Variants in WHAMM observed in about 807,000 individuals in gnomAD.
WHAMM encodes WASP homolog associated with actin, golgi membranes and microtubules, also known as WASP homolog-associated protein with actin, membranes and microtubules.
In WHAMM, 67 loss-of-function variants were observed where a neutral mutation model predicts 76.5. The ratio of observed to expected loss-of-function variants is 0.88; its 90% CI spans 0.72 to 1.07. WHAMM has a LOEUF of 1.07. Ranked by LOEUF, WHAMM falls within the 50% of genes least tolerant of loss-of-function variation. The probability of loss-of-function intolerance (pLI) is 0.00; values close to 1 mark genes in which losing one functional copy is unlikely to be tolerated. For synonymous variants in WHAMM, 419 were observed against 422.1 expected, an observed-to-expected ratio of 0.99 and a Z score of 0.09; for missense variants, 1,021 against 1,051.1, an observed-to-expected ratio of 0.97 and a Z score of 0.40.
rs141840687 is a variant in WHAMM, at chr15:82,826,100, A to T, written c.1459-310A>T. On this transcript the variant is annotated intron_variant, in intron 6 of 9. Coordinates refer to ENST00000286760, the MANE Select transcript of WHAMM (RefSeq NM_001080435.3). ...AATAATGTTATGGGGAAATGTGTTT[A>T]AACAGTCACATTAAAACATTGTTGG... Among the ~76,000 whole-genome samples the T allele has an allele frequency of 1.1e-4, 16 of 152,336 alleles. No individual in the cohort carries two copies. The East Asian group carries it at 2.3e-3, about 22-fold the overall frequency.
chr15:82,813,003 A>G, intron 1 of WHAMM, 100 bp from the exon 2 acceptor site: 1 of 921,766 alleles, frequency 1.1e-6, no homozygotes, highest in Non-Finnish European at 1.5e-6. Context: ...TGATGTATTA[A>G]AAGTTGAGAA....
chr15:82,832,720 T>G (rs1485736481), intron 9 of WHAMM, among the ~76,000 whole-genome samples: 1 of 152,250 alleles, frequency 6.6e-6, no homozygotes, highest in Non-Finnish European at 1.5e-5. Flanking sequence ...AGAAACCTAC[T>G]CACTTCATTG....
At chr15:82,812,882 A>G (rs185340627) in intron 1 of WHAMM, among the ~76,000 whole-genome samples, 1 of 152,312 alleles carries the variant, frequency 6.6e-6, no homozygotes, top group East Asian at 1.9e-4. Context: ...GAATGACTAC[A>G]GTAATAATAT....
chr15:82,811,203 C>T (rs1435373983), intron 1 of WHAMM, among the ~76,000 whole-genome samples: 1 of 152,066 alleles, frequency 6.6e-6, no homozygotes, highest in Admixed American at 6.5e-5. Flanking sequence ...CATTTTTGTA[C>T]TGTGGGTTTT....
At chr15:82,812,316 C>G (rs2050641627) in intron 1 of WHAMM, among the ~76,000 whole-genome samples, 1 of 152,176 alleles carries the variant, frequency 6.6e-6, no homozygotes, top group Non-Finnish European at 1.5e-5. Flanking sequence ...GCAACCTCCG[C>G]CTCCCGGGTT....
Position 82,810,302 on chromosome 15 carries a change from G to T in WHAMM, c.576G>T (p.Ala192=). 1.5e-6 allele frequency: 2 copies of T among 1,336,826 alleles called. No homozygotes were observed. The highest frequency in any genetic ancestry group is 6.3e-5 in the East Asian group (2 of 31,890). The allele number at this position is 1,336,826 out of a possible 1,614,324, so 82.8% of individuals were successfully genotyped here. ...AGTTCCGGGAGCGGGCCTTGCGCGC[G>T]CGGTGGGTCGAGGCGGACGCGCGGC... is the stretch of plus-strand genomic sequence containing the variant. ...PREFRERALR[A]RWVEADARLR... is the part of the protein sequence containing the mutation. The change falls in exon 1 of 10, where the codon GCG becomes GCT. Residue 192 remains alanine (A), a synonymous_variant. Transcript: ENST00000286760.
At chr15:82,810,513 G>T (rs1333237495) in intron 1 of WHAMM, 178 bp downstream of exon 1, 1 of 985,332 alleles carries the variant, frequency 1.0e-6, no homozygotes, top group African/African-American at 1.7e-5. Context: ...GAAACCGGCG[G>T]GAGCTGCGGG....
At chr15:82,829,150 T>C (rs1239174100) in intron 8 of WHAMM, among the ~76,000 whole-genome samples, 6 of 152,220 alleles carry the variant, frequency 3.9e-5, no homozygotes, top group Non-Finnish European at 2.9e-5. Flanking sequence ...TAATTTATCA[T>C]GCGTGGACAG....
chr15:82,830,076 A>G (rs768548670), intron 8 of WHAMM, among the ~76,000 whole-genome samples: 2 of 152,124 alleles, frequency 1.3e-5, no homozygotes, highest in Non-Finnish European at 2.9e-5. Context: ...GGCATTTTTC[A>G]TAGAACTTTT....
Position 82,818,098 on chromosome 15 carries a change from A to G in WHAMM, c.1104+9A>G. The G allele has an allele frequency of 6.5e-7, 1 of 1,536,634 alleles. No individual in the cohort carries two copies. The highest frequency in any genetic ancestry group is 8.8e-7 in the Non-Finnish European group (1 of 1,139,906). On this transcript the variant is annotated intron_variant, in intron 4 of 9. Transcript: ENST00000286760. Reference sequence around the variant, plus strand: ...CTGAAATTCAGGGAAAGGTAAGACAAAGATAAACATAACTTTGTTTTAAAA... The same window carrying G: ...CTGAAATTCAGGGAAAGGTAAGACAGAGATAAACATAACTTTGTTTTAAAA...
chr15:82,832,662 GT>G (rs1567000050), intron 9 of WHAMM, among the ~76,000 whole-genome samples: 1 of 152,194 alleles, frequency 6.6e-6, no homozygotes, highest in Non-Finnish European at 1.5e-5. Flanking sequence ...TCCGGTGGCG[GT>G]TCATTGAGTT....
intron 8 of WHAMM, among the ~76,000 whole-genome samples, chr15:82,828,225 G>A (rs2050969037): frequency 6.6e-6 from 1 of 152,180 alleles, no homozygotes; most frequent in Non-Finnish European, 1.5e-5. Context: ...GAGTAACCAA[G>A]GTTCAGAATG....
At chr15:82,819,736 A>T (rs1302841771) in intron 5 of WHAMM, among the ~76,000 whole-genome samples, 2 of 152,248 alleles carry the variant, frequency 1.3e-5, no homozygotes, top group Non-Finnish European at 2.9e-5. Context: ...GCTCACGCCT[A>T]TAATCCCAGC....
chr15:82,815,609 A>T (rs2050713399), intron 2 of WHAMM, among the ~76,000 whole-genome samples: 1 of 152,110 alleles, frequency 6.6e-6, no homozygotes, highest in African/African-American at 2.4e-5. Context: ...TCCTGTGATT[A>T]CTCAATGTTT....
In WHAMM at chr15:82,826,462, T is replaced by A. The variant is rs113378787; in HGVS notation, c.1511T>A (p.Ile504Lys). 30,664 of 1,613,968 alleles carry A rather than the reference T, an allele frequency of 0.019. 386 individuals are homozygous for A. The highest frequency in any genetic ancestry group is 0.02 in the Non-Finnish European group (23,090 of 1,179,862). ...AGATTGCAACAGGCTGAAGAAAGCA[T>A]AAGATACTCTCGTCAGCATCACAGT... Reference protein sequence around the residue: ...RFRLQQAEESIRYSRQHHSIQ... With the variant: ...RFRLQQAEESKRYSRQHHSIQ... Residue 504 changes from isoleucine (I) to lysine (K), a missense_variant, in exon 7 of 10, where the codon ATA becomes AAA. By Grantham distance (102) the Ile-to-Lys change is moderately radical (BLOSUM62 -3). Around this residue, in one of 3 missense-constraint regions of WHAMM, gnomAD observed 509 missense variants for 492.3 expected, o/e 1.03. Transcript: ENST00000286760.
Position 82,818,063 on chromosome 15 carries a change from C to G in WHAMM, c.1078C>G (p.His360Asp). 1 of 1,550,748 alleles carries G rather than the reference C, an allele frequency of 6.4e-7. No homozygotes were observed. The highest frequency in any genetic ancestry group is 8.7e-7 in the Non-Finnish European group (1 of 1,146,818). ...GAGAGCGAAAGAGTTGTGTTTAAAT[C>G]ACAAAAGAGCTGAAATTCAGGGAAA... ...LMRAKELCLN[H>D]KRAEIQGKME... Residue 360 changes from histidine (H) to aspartate (D), a missense_variant, in exon 4 of 10, where the codon CAC (histidine) becomes GAC (aspartate). His to Asp is a moderately conservative substitution (Grantham distance 81, BLOSUM62 -1). Coordinates refer to ENST00000286760, the MANE Select transcript of WHAMM (RefSeq NM_001080435.3).
chr15:82,830,702 C>A lies in WHAMM; in HGVS notation c.1745C>A (p.Ala582Glu). Residue 582 changes from alanine to glutamate, a missense_variant, in exon 9 of 10, where the codon GCG becomes GAG. Coordinates refer to ENST00000286760, the MANE Select transcript of WHAMM (RefSeq NM_001080435.3). The stretch of plus-strand genomic sequence containing the variant: ...CAGATGTGCTTGCCAGCTTCCCACG[C>A]GGTGTCAGTAATTCACCCGTCCTCT... ...SQQMCLPASH[A>E]VSVIHPSSRK... 1 of 1,613,956 alleles carries A rather than the reference C, an allele frequency of 6.2e-7. No individual in the cohort carries two copies.
At chr15:82,825,664 C>T (rs1453878348) in intron 6 of WHAMM, among the ~76,000 whole-genome samples, 4 of 151,894 alleles carry the variant, frequency 2.6e-5, no homozygotes, top group Admixed American at 2.0e-4. Context: ...GTGCGGCACC[C>T]GTAATCCCAG....
At position 82,814,641 on chromosome 15, in the gene WHAMM, G is replaced by A. The variant is rs540397367; in HGVS notation, c.783+1365G>A. ...AATTTTGTATTTTTTTAGTAGAGACGGGGTTTCTTCATGTTGGTCAGGCTG... is the reference window on the plus strand; with the variant it reads ...AATTTTGTATTTTTTTAGTAGAGACAGGGTTTCTTCATGTTGGTCAGGCTG... On this transcript the variant is annotated intron_variant, in intron 2 of 9. Transcript: ENST00000286760. Among the ~76,000 whole-genome samples, 15 of 151,192 alleles carry A rather than the reference G, an allele frequency of 9.9e-5. No individual in the cohort carries two copies. In the South Asian group the frequency reaches 2.1e-3, roughly 21 times the overall value.
Sources: gnomAD v4.1 joint callset for allele counts (sites outside exome capture counted in the v4.1 genomes callset) on GRCh38, gnomAD v4.1.1 for gene constraint, gnomAD v4.1.1 regional missense constraint, MANE v1.5 for transcripts, NCBI Gene and HGNC (gene_info 2026-07-23, HGNC 2026-07-21) for gene names.